NIPA2: variants seen among roughly 807,000 people sequenced by gnomAD.
NIPA2 encodes the protein magnesium transporter NIPA2.
Under a neutral mutation model 29.7 loss-of-function variants are expected in NIPA2, and 11 were observed. The observed-to-expected ratio is 0.37, with a 90% CI of 0.23 to 0.61. The LOEUF (loss-of-function observed/expected upper bound fraction) is 0.61, where lower values mean the gene tolerates loss of function less well. Among genes scored for constraint, NIPA2 ranks in the 20% least tolerant of loss-of-function variants. NIPA2 has a pLI of 0.66. For synonymous variants in NIPA2, 183 were observed against 161.9 expected (o/e 1.13, Z -0.99); for missense variants, 426 against 437.9 (o/e 0.97, Z 0.24).
chr15:22,840,578 G>A (rs1896810013), intron 2 of NIPA2, among the ~76,000 whole-genome samples: 1 of 152,174 alleles, frequency 6.6e-6, no homozygotes, highest in Admixed American at 6.5e-5. Flanking sequence ...GGGATTACAG[G>A]CGTGAGCCAC....
In NIPA2 at chr15:22,867,432, G is replaced by T; in HGVS notation, c.*585G>T. ...ATCACCCCAAGGAACGATTTCTCAG[G>T]TTGAGATGATCACCGTGAATCCGGC... On this transcript the variant is annotated 3_prime_UTR_variant, in exon 8 of 8. Transcript: ENST00000337451. 1 of 366,412 alleles carries T rather than the reference G, an allele frequency of 2.7e-6. No individual in the cohort carries two copies. Among genetic ancestry groups the T allele is most frequent in the Non-Finnish European group, 4.8e-6 (1 of 207,148 alleles). The allele number at this position is 366,412 out of a possible 1,614,324, so 22.7% of individuals were successfully genotyped here.
chr15:22,860,662 A>G lies in NIPA2; in HGVS notation c.321A>G (p.Arg107=). ...AILSSYFLNE[R]LNLHGKIGCL... ...TTTCTTCATACTTTCTCAATGAAAGACTTAATCTTCATGGGAAAATTGGGT... is the reference window on the plus strand; with the variant it reads ...TTTCTTCATACTTTCTCAATGAAAGGCTTAATCTTCATGGGAAAATTGGGT... Residue 107 remains arginine, a synonymous_variant, in exon 7 of 8, where the codon AGA becomes AGG. Transcript: ENST00000337451. 1 of 1,593,812 alleles carries G rather than the reference A, an allele frequency of 6.3e-7. No individual in the cohort carries two copies. Among genetic ancestry groups the G allele is most frequent in the Non-Finnish European group, 8.5e-7 (1 of 1,173,466 alleles).
rs1595674992 is a variant in NIPA2 at position 22,840,443 on chromosome 15, G to A, written c.-216+653G>A. 2.0e-5 allele frequency among the ~76,000 whole-genome samples: 3 copies of A among 151,888 alleles called. No homozygotes were observed. The South Asian group carries it at 6.2e-4, about 31-fold the overall frequency. On this transcript the variant is annotated intron_variant, in intron 2 of 7. Transcript: ENST00000337451. ...CTCCGGAGTAGCTGGGGTTACAGGC[G>A]CCGGCGACCACGCCCAGCTAATTTT... is the stretch of plus-strand genomic sequence containing the variant.
chr15:22,867,846 A>ATGTTTGTT lies in NIPA2; in HGVS notation c.*1001_*1008dup, dbSNP rs3834955. ...CACTACATATTTTGGTTTCTAGAAA[A>ATGTTTGTT]TGTTTGTTTATGAAGAAGTCGATGG... On this transcript the variant is annotated 3_prime_UTR_variant, in exon 8 of 8. Coordinates refer to ENST00000337451, the MANE Select transcript of NIPA2 (RefSeq NM_030922.7). 9 of 151,880 alleles carry ATGTTTGTT rather than the reference A, an allele frequency of 5.9e-5. No individual in the cohort carries two copies. Among genetic ancestry groups the ATGTTTGTT allele is most frequent in the Non-Finnish European group, 8.8e-5 (6 of 67,892 alleles). The allele number at this position is 151,880 out of a possible 1,614,324, so 9.4% of individuals were successfully genotyped here.
intron 3 of NIPA2, among the ~76,000 whole-genome samples, chr15:22,846,612 G>T (rs955941562): frequency 6.6e-6 from 1 of 151,760 alleles, no homozygotes. Flanking sequence ...CAGGAGTTTG[G>T]GACCAGCCTG....
At chr15:22,841,449 T>G (rs973344131) in intron 2 of NIPA2, among the ~76,000 whole-genome samples, 1 of 152,188 alleles carries the variant, frequency 6.6e-6, no homozygotes, top group Non-Finnish European at 1.5e-5. Context: ...GGGTTGCAGA[T>G]CTGTTCCTTG....
chr15:22,868,371 A>G lies in NIPA2; in HGVS notation c.*1524A>G, dbSNP rs2059296953. ...ACATGCATAGGTTAATAAATAATAA[A>G]TTCTTATTTAACATTTTGTAGCACT... On this transcript the variant is annotated 3_prime_UTR_variant, in exon 8 of 8. Transcript: ENST00000337451. 6.8e-6 allele frequency: 1 copy of G among 147,422 alleles called. No individual in the cohort carries two copies. Among genetic ancestry groups the G allele is most frequent in the East Asian group, 1.9e-4 (1 of 5,186 alleles). 9.1% of individuals were successfully genotyped at this position (147,422 alleles called of 1,614,324 possible).
chr15:22,857,883 G>A (rs931934365), intron 5 of NIPA2, among the ~76,000 whole-genome samples: 2 of 151,094 alleles, frequency 1.3e-5, no homozygotes, highest in African/African-American at 4.9e-5. Context: ...GGACTTGGGG[G>A]AAGAGTACCT....
rs2058379237 is a variant in NIPA2, at chr15:22,858,611, G to A, written c.268G>A (p.Ala90Thr). The stretch of plus-strand genomic sequence containing the variant: ...AGCCACTCTAGTGACTCCACTAGGA[G>A]CTCTCAGCGTGCTAGTAAGGTAAGG... ...APATLVTPLG[A>T]LSVLVSAILS... The change falls in exon 6 of 8, where the codon GCT becomes ACT. Residue 90 changes from alanine (A) to threonine (T), a missense_variant. Physicochemically the swap from Ala to Thr is moderately conservative, Grantham distance 58 (BLOSUM62 0). Coordinates refer to ENST00000337451, the MANE Select transcript of NIPA2 (RefSeq NM_030922.7). The A allele has an allele frequency of 3.1e-6, 5 of 1,600,226 alleles. No homozygotes were observed. In the South Asian group the frequency reaches 4.5e-5, roughly 14 times the overall value.
intron 7 of NIPA2, among the ~76,000 whole-genome samples, chr15:22,861,801 C>G (rs1216166080): frequency 6.6e-6 from 1 of 152,092 alleles, no homozygotes; most frequent in Non-Finnish European, 1.5e-5. Context: ...GTGATGTGAT[C>G]TCAGCTCACT....
At chr15:22,847,584 C>T (rs1899143227) in intron 3 of NIPA2, among the ~76,000 whole-genome samples, 1 of 152,028 alleles carries the variant, frequency 6.6e-6, no homozygotes, top group African/African-American at 2.4e-5. Context: ...CCTGCCTCAG[C>T]CTCCCAAGTA....
intron 3 of NIPA2, among the ~76,000 whole-genome samples, chr15:22,846,893 T>G (rs1361977350): frequency 7.1e-6 from 1 of 140,316 alleles, no homozygotes; most frequent in Non-Finnish European, 1.5e-5. Flanking sequence ...GTTTTTTGTT[T>G]TTGTTGTTGT....
At chr15:22,851,517 C>A (rs1234286963) in intron 3 of NIPA2, 122 bp from the exon 4 acceptor site, 2 of 305,042 alleles carry the variant, frequency 6.6e-6, no homozygotes, top group Admixed American at 9.8e-5. Context: ...TAAATATTAT[C>A]AATATTAGTA....
At chr15:22,858,739 GA>G (rs2058392812) in intron 6 of NIPA2, 109 bp downstream of exon 6, 1 of 634,906 alleles carries the variant, frequency 1.6e-6, no homozygotes, top group Non-Finnish European at 2.5e-6. Flanking sequence ...CAACAACCTG[GA>G]GAACTTCGCT....
chr15:22,846,182 G>C (rs1898582927), intron 3 of NIPA2, among the ~76,000 whole-genome samples: 1 of 152,186 alleles, frequency 6.6e-6, no homozygotes, highest in Admixed American at 6.5e-5. Flanking sequence ...GGTAACGAGA[G>C]TGGCTGTGGT....
intron 7 of NIPA2, among the ~76,000 whole-genome samples, chr15:22,865,009 C>G (rs1364959238): frequency 1.3e-5 from 2 of 151,926 alleles, no homozygotes; most frequent in Non-Finnish European, 2.9e-5. Context: ...TTACAGGTGT[C>G]TGCCACCACG....
At chr15:22,862,049 C>CTTTTTTTTTTTTTTTTTT (rs57513456) in intron 7 of NIPA2, among the ~76,000 whole-genome samples, 13 of 103,946 alleles carry the variant, frequency 1.3e-4, no homozygotes, top group African/African-American at 4.9e-4. Context: ...ATGGGTCTCT[C>CTTTTTTTTTTTTTTTTTT]TTTTTTTTTT....
chr15:22,848,692 A>C (rs1041850757), intron 3 of NIPA2, among the ~76,000 whole-genome samples: 1 of 151,750 alleles, frequency 6.6e-6, no homozygotes, highest in African/African-American at 2.4e-5. Context: ...TGGGCATGGC[A>C]GCATGTGCCT....
chr15:22,863,219 C>T (rs1330797903), intron 7 of NIPA2, among the ~76,000 whole-genome samples: 2 of 152,030 alleles, frequency 1.3e-5, no homozygotes, highest in East Asian at 1.9e-4. Context: ...GTTGCGATGA[C>T]AGGCATGCGC....
Sources: allele counts gnomAD v4.1 joint callset (sites outside exome capture counted in the v4.1 genomes callset), GRCh38; gene constraint gnomAD v4.1.1; transcripts MANE v1.5; gene names NCBI Gene and HGNC (gene_info 2026-07-23, HGNC 2026-07-21).